The following ABCC4 variants were observed in gnomAD, a reference collection of about 807,000 sequenced individuals.
ABCC4 encodes ATP binding cassette subfamily C member 4 (PEL blood group).
Under a neutral mutation model 168.5 loss-of-function variants are expected in ABCC4, and 102 were observed. The observed-to-expected ratio is 0.61, with a 90% CI of 0.52 to 0.71. The LOEUF is 0.71. ABCC4 is among the 30% of genes least tolerant of loss of function. The pLI is 0.00. For synonymous variants in ABCC4, 617 were observed against 590.7 expected (o/e 1.04, Z -0.65); for missense variants, 1,402 against 1,605.8 (o/e 0.87, Z 2.17).
chr13:95,289,062 G>A lies in ABCC4; in HGVS notation c.74+12179C>T, dbSNP rs543627760. ...TGGATACCTTTCTACTGTCTTTAAA[G>A]AGGAAGAGTACACACTGTTGGACTG... On this transcript the variant is annotated intron_variant, in intron 1 of 30. Coordinates refer to ENST00000645237, the MANE Select transcript of ABCC4 (RefSeq NM_005845.5). Among the ~76,000 whole-genome samples, 70 of 152,236 alleles carry A rather than the reference G, an allele frequency of 4.6e-4. 2 individuals are homozygous for A. In the South Asian group the frequency reaches 0.014, roughly 30 times the overall value.
chr13:95,115,010 G>C (rs186387169), intron 20 of ABCC4, among the ~76,000 whole-genome samples: 1 of 152,082 alleles, frequency 6.6e-6, no homozygotes, highest in African/African-American at 2.4e-5. Flanking sequence ...TAAAGTGTTA[G>C]CAACAGCAGC....
intron 1 of ABCC4, among the ~76,000 whole-genome samples, chr13:95,296,179 CACACAA>C (rs768898232): frequency 0.35 from 12,597 of 35,926 alleles, 1,039 homozygotes; most frequent in Non-Finnish European, 0.43. Flanking sequence ...CACACACACA[CACACAA>C]AAACACAAAA....
At chr13:95,291,379 GC>G (rs1324200828) in intron 1 of ABCC4, among the ~76,000 whole-genome samples, 2 of 151,132 alleles carry the variant, frequency 1.3e-5, no homozygotes, top group African/African-American at 4.9e-5. Flanking sequence ...AGACAGAAGT[GC>G]CCAGGTGATC....
chr13:95,171,131 T>C (rs1035224602), intron 13 of ABCC4, among the ~76,000 whole-genome samples: 1 of 124,750 alleles, frequency 8.0e-6, no homozygotes, highest in Non-Finnish European at 1.6e-5. Context: ...TCTTCAAAAA[T>C]AATACTAGAT....
At position 95,278,793 on chromosome 13, in the gene ABCC4, A is replaced by G. The variant is rs1164162988; in HGVS notation, c.74+22448T>C. Among the ~76,000 whole-genome samples the G allele has an allele frequency of 2.2e-5, 3 of 134,994 alleles. No homozygotes were observed. In the East Asian group the frequency reaches 7.0e-4, roughly 31 times the overall value. 88.6% of individuals were successfully genotyped at this position (134,994 alleles called of 152,430 possible). Reference sequence around the variant, plus strand: ...ATACTCCAGCCTGAGAGACAGAGCAAGACCCTGTCTCGGAAAAAAAAAAAA... The same window carrying G: ...ATACTCCAGCCTGAGAGACAGAGCAGGACCCTGTCTCGGAAAAAAAAAAAA... On this transcript the variant is annotated intron_variant, in intron 1 of 30. Transcript: ENST00000645237.
chr13:95,294,217 G>A (rs184789270), intron 1 of ABCC4, among the ~76,000 whole-genome samples: 12 of 151,978 alleles, frequency 7.9e-5, no homozygotes, highest in African/African-American at 1.7e-4. Context: ...AAAATTATCC[G>A]GGCGTGGTTT....
chr13:95,209,716 G>C, intron 5 of ABCC4, 119 bp from the exon 6 acceptor site: 1 of 1,012,674 alleles, frequency 9.9e-7, no homozygotes, highest in South Asian at 2.0e-5. Context: ...AATGGCCACA[G>C]TGGGTTTACA....
intron 19 of ABCC4, among the ~76,000 whole-genome samples, chr13:95,157,638 T>G (rs1334808062): frequency 6.6e-6 from 1 of 152,208 alleles, no homozygotes; most frequent in African/African-American, 2.4e-5. Context: ...GCTTAAGATT[T>G]ATCAGGTTAA....
intron 3 of ABCC4, among the ~76,000 whole-genome samples, chr13:95,240,286 C>T (rs1231939414): frequency 6.6e-6 from 1 of 152,250 alleles, no homozygotes; most frequent in Non-Finnish European, 1.5e-5. Context: ...AATCTCAGCA[C>T]TTTGAGAGGC....
chr13:95,113,681 G>A (rs2035279474), intron 20 of ABCC4, among the ~76,000 whole-genome samples: 1 of 151,774 alleles, frequency 6.6e-6, no homozygotes, highest in Non-Finnish European at 1.5e-5. Context: ...TCCTAATATA[G>A]CAACAGGCCC....
intron 11 of ABCC4, among the ~76,000 whole-genome samples, chr13:95,186,029 C>T (rs2038047288): frequency 6.6e-6 from 1 of 151,850 alleles, no homozygotes; most frequent in South Asian, 2.1e-4. Context: ...GGGACCCAAG[C>T]AGGAAACATC....
intron 3 of ABCC4, among the ~76,000 whole-genome samples, chr13:95,236,818 C>T (rs1484292253): frequency 6.6e-6 from 1 of 152,142 alleles, no homozygotes; most frequent in African/African-American, 2.4e-5. Context: ...TATGGAAGAG[C>T]CCCCAGTACA....
At chr13:95,029,203 TATATATATATAGAGAGAGAGAG>T (rs1566355428) in intron 30 of ABCC4, among the ~76,000 whole-genome samples, 16 of 57,738 alleles carry the variant, frequency 2.8e-4, no homozygotes, top group African/African-American at 1.1e-3. Flanking sequence ...TATATATATA[TATATATATATAGAGAGAGAGAG>T]AGAGAGAGAG....
At chr13:95,105,760 A>G (rs2034981194) in intron 20 of ABCC4, among the ~76,000 whole-genome samples, 1 of 152,162 alleles carries the variant, frequency 6.6e-6, no homozygotes, top group Non-Finnish European at 1.5e-5. Flanking sequence ...TCCCAACAGC[A>G]TAGCTTGGAA....
intron 4 of ABCC4, among the ~76,000 whole-genome samples, chr13:95,223,130 T>G (rs1555333280): frequency 6.6e-6 from 1 of 152,208 alleles, no homozygotes; most frequent in Non-Finnish European, 1.5e-5. Context: ...TCCAAAGTTC[T>G]GCCCTAACAA....
Position 95,071,835 on chromosome 13 carries a change from C to T in ABCC4, c.3037G>A (p.Val1013Ile). 6.3e-7 allele frequency: 1 copy of T among 1,576,162 alleles called. No homozygotes were observed. Among genetic ancestry groups the T allele is most frequent in the South Asian group, 1.2e-5 (1 of 82,700 alleles). Residue 1013 changes from valine to isoleucine, a missense_variant, in exon 25 of 31, where the codon GTC becomes ATC. Val to Ile is a conservative substitution (Grantham distance 29). Coordinates refer to ENST00000645237, the MANE Select transcript of ABCC4 (RefSeq NM_005845.5). ...VENMMISVER[V>I]IEYTDLEKEA... ...TTTTCAAGGTCTGTGTATTCAATGA[C>T]CCTTTCTACTGAGATCATCTGAAAG... is the stretch of plus-strand genomic sequence containing the variant.
At chr13:95,156,243 G>A (rs970224716) in intron 19 of ABCC4, among the ~76,000 whole-genome samples, 4 of 151,992 alleles carry the variant, frequency 2.6e-5, no homozygotes, top group Non-Finnish European at 4.4e-5. Context: ...AACATAATAC[G>A]CCACAATATT....
rs2036549313 is a variant in ABCC4, at chr13:95,147,831, CA to C, written c.2455+13357del. Among the ~76,000 whole-genome samples the C allele has an allele frequency of 2.6e-5, 4 of 152,080 alleles. No homozygotes were observed. In the South Asian group the frequency reaches 8.3e-4, roughly 32 times the overall value. ...TACTCAACTTCAGCTGTATCGTTTT[CA>C]AACAAAAAGTAAACCAGATGTTTGG... On this transcript the variant is annotated intron_variant, in intron 19 of 30. Transcript: ENST00000645237.
intron 1 of ABCC4, among the ~76,000 whole-genome samples, chr13:95,295,962 CAA>C (rs59341854): frequency 0.25 from 28,267 of 113,934 alleles, 2,913 homozygotes; most frequent in East Asian, 0.3. Context: ...GAGACTCCGT[CAA>C]AAAAAAAAAA....
Sources: allele counts gnomAD v4.1 joint callset (sites outside exome capture counted in the v4.1 genomes callset), GRCh38; gene constraint gnomAD v4.1.1; transcripts MANE v1.5; gene names NCBI Gene and HGNC (gene_info 2026-07-23, HGNC 2026-07-21).